The following SLC2A13 variants were observed in gnomAD, a reference collection of about 807,000 sequenced individuals.
The protein encoded by SLC2A13 is proton myo-inositol cotransporter.
In SLC2A13, 32 loss-of-function variants were observed where a neutral mutation model predicts 64.4. The ratio of observed to expected loss-of-function variants is 0.50; its 90% CI spans 0.37 to 0.67. The LOEUF is 0.67. SLC2A13 is among the 30% of genes least tolerant of loss of function. The pLI, the probability that SLC2A13 is intolerant of heterozygous loss-of-function variation, is 0.00. For missense variants in SLC2A13, 743 were observed against 829.2 expected (o/e 0.90, Z 1.28); for synonymous variants, 338 against 327.1 (o/e 1.03, Z -0.36).
chr12:39,885,402 G>C (rs1432853650), intron 4 of SLC2A13, among the ~76,000 whole-genome samples: 1 of 152,102 alleles, frequency 6.6e-6, no homozygotes, highest in Non-Finnish European at 1.5e-5. Context: ...CATCTAACAT[G>C]TAAGAAGTAC....
chr12:40,068,338 A>T, intron 1 of SLC2A13: 1 of 406,142 alleles, frequency 2.5e-6, no homozygotes, highest in South Asian at 1.8e-5. Context: ...TATTTTCCAC[A>T]TGCTGTGCCC....
At chr12:40,027,464 G>C (rs140887255) in intron 3 of SLC2A13, among the ~76,000 whole-genome samples, 7 of 152,320 alleles carry the variant, frequency 4.6e-5, no homozygotes, top group African/African-American at 1.7e-4. Context: ...AGCTTCTTCA[G>C]AGTGTTCATC....
chr12:39,827,687 A>T (rs549798210), intron 7 of SLC2A13, among the ~76,000 whole-genome samples: 50 of 152,234 alleles, frequency 3.3e-4, no homozygotes, highest in African/African-American at 1.2e-3. Context: ...CTGCTAAATA[A>T]TTTTTTTAAG....
At chr12:40,076,738 G>C (rs1360790122) in intron 1 of SLC2A13, among the ~76,000 whole-genome samples, 2 of 152,098 alleles carry the variant, frequency 1.3e-5, no homozygotes, top group Non-Finnish European at 2.9e-5. Context: ...GCTTTCCACG[G>C]TGGTTGAACT....
chr12:39,872,766 A>G (rs1808627691), intron 4 of SLC2A13, among the ~76,000 whole-genome samples: 1 of 152,232 alleles, frequency 6.6e-6, no homozygotes, highest in Non-Finnish European at 1.5e-5. Flanking sequence ...AGTTAACCTG[A>G]AAACAAAGAA....
intron 4 of SLC2A13, among the ~76,000 whole-genome samples, chr12:39,886,722 A>G (rs1420686558): frequency 6.6e-6 from 1 of 152,212 alleles, no homozygotes; most frequent in African/African-American, 2.4e-5. Flanking sequence ...TGAAAATTTA[A>G]AGCTACTTCA....
intron 3 of SLC2A13, among the ~76,000 whole-genome samples, chr12:39,994,227 A>G (rs1947187290): frequency 6.6e-6 from 1 of 151,702 alleles, no homozygotes; most frequent in Non-Finnish European, 1.5e-5. Flanking sequence ...TACTAAAAAC[A>G]CAAAAAATTA....
rs1232498097 is a variant in SLC2A13, at chr12:40,105,383, G to A, written c.426C>T (p.Asn142=). The A allele has an allele frequency of 1.2e-5, 18 of 1,564,542 alleles. No individual in the cohort carries two copies. The highest frequency in any genetic ancestry group is 1.0e-4 in the South Asian group (9 of 86,240). The stretch of plus-strand genomic sequence containing the variant: ...TGGCAGCGCGGCGGCCGAAGACGCC[G>A]TTGAGGGCGCCTCCGGCCAGCGCCG... ...AVSALAGGAL[N]GVFGRRAAIL... The change falls in exon 1 of 10, where the codon AAC becomes AAT. Residue 142 remains asparagine, a synonymous_variant. Coordinates refer to ENST00000280871, the MANE Select transcript of SLC2A13 (RefSeq NM_052885.4). This position sits in a 1 kb window ranked among gnomAD's most constrained non-coding sequence, Gnocchi z 4.2.
At chr12:39,901,738 T>C (rs1318890278) in intron 4 of SLC2A13, among the ~76,000 whole-genome samples, 1 of 137,218 alleles carries the variant, frequency 7.3e-6, no homozygotes, top group Non-Finnish European at 1.6e-5. Flanking sequence ...TTTGACACTG[T>C]TGGTGGGACT....
intron 1 of SLC2A13, among the ~76,000 whole-genome samples, chr12:40,065,233 G>A (rs187653105): frequency 2.0e-4 from 30 of 152,252 alleles, no homozygotes; most frequent in Admixed American, 1.7e-3. Context: ...TTCTGGCTGT[G>A]TTAATAACTT....
chr12:39,808,365 C>T (rs928089046), intron 7 of SLC2A13, among the ~76,000 whole-genome samples: 3 of 152,088 alleles, frequency 2.0e-5, no homozygotes, highest in Non-Finnish European at 4.4e-5. Flanking sequence ...GTAACATCTA[C>T]GTAATTTCCA....
intron 1 of SLC2A13, among the ~76,000 whole-genome samples, chr12:40,081,332 T>C (rs1938393814): frequency 6.6e-6 from 1 of 152,256 alleles, no homozygotes; most frequent in Admixed American, 6.5e-5. Context: ...TTCTCGAATG[T>C]AAATGAGTTG....
At chr12:39,968,423 G>C (rs1946566334) in intron 3 of SLC2A13, among the ~76,000 whole-genome samples, 2 of 152,006 alleles carry the variant, frequency 1.3e-5, no homozygotes, top group African/African-American at 4.8e-5. Context: ...GATGAGGTTT[G>C]GGTAGAGACA....
chr12:39,896,004 A>C (rs569062230), intron 4 of SLC2A13, among the ~76,000 whole-genome samples: 1 of 148,318 alleles, frequency 6.7e-6, no homozygotes, highest in East Asian at 2.0e-4. Flanking sequence ...ATGTGTATAT[A>C]TACATGTGTA....
chr12:39,877,933 T>G (rs1359491646), intron 4 of SLC2A13, among the ~76,000 whole-genome samples: 1 of 152,118 alleles, frequency 6.6e-6, no homozygotes, highest in African/African-American at 2.4e-5. Context: ...TCCCTCAAGG[T>G]TTGGTGCTAA....
Position 40,105,416 on chromosome 12 carries a change from A to T in SLC2A13, c.393T>A (p.Ala131=). The change falls in exon 1 of 10, where the codon GCT becomes GCA. Residue 131 remains alanine (A), a synonymous_variant. Transcript: ENST00000280871. This position sits in a 1 kb window ranked among gnomAD's most constrained non-coding sequence, Gnocchi z 4.2. The part of the protein sequence containing the change: ...ELLVSSTVGA[A]AVSALAGGAL... ...CGCCTCCGGCCAGCGCCGAGACGGC[A>T]GCCGCCCCCACCGTGCTGGACACCA... is the stretch of plus-strand genomic sequence containing the variant. The T allele has an allele frequency of 6.5e-7, 1 of 1,549,794 alleles. No homozygotes were observed. Among genetic ancestry groups the T allele is most frequent in the Non-Finnish European group, 8.7e-7 (1 of 1,147,982 alleles).
intron 4 of SLC2A13, among the ~76,000 whole-genome samples, chr12:39,885,334 A>T (rs1332514037): frequency 6.6e-6 from 1 of 152,202 alleles, no homozygotes; most frequent in Non-Finnish European, 1.5e-5. Flanking sequence ...AACAGAGAGT[A>T]GGTGAAACAG....
rs190522703 is a variant in SLC2A13, at chr12:39,764,920, A to G, written c.1446-62T>C. On this transcript the variant is annotated intron_variant, in intron 7 of 9. Transcript: ENST00000280871. The stretch of plus-strand genomic sequence containing the variant: ...TTTTGACTACAGTTGCAGAAATTCA[A>G]TATGATCATATTTATGTATTTGGAA... 119 of 1,553,156 alleles carry G rather than the reference A, an allele frequency of 7.7e-5. 1 individual carries two copies. The African/African-American group carries it at 1.2e-3, about 16-fold the overall frequency.
At chr12:40,053,256 T>G (rs1282452605) in intron 1 of SLC2A13, among the ~76,000 whole-genome samples, 12 of 123,932 alleles carry the variant, frequency 9.7e-5, no homozygotes, top group African/African-American at 3.8e-4. Context: ...CACTATAGCC[T>G]GGCGACAGAG....
Sources: gnomAD v4.1 joint callset for allele counts (sites outside exome capture counted in the v4.1 genomes callset) on GRCh38, gnomAD v4.1.1 for gene constraint, Gnocchi (gnomAD v3.1) non-coding constraint, MANE v1.5 for transcripts, NCBI Gene and HGNC (gene_info 2026-07-23, HGNC 2026-07-21) for gene names.